Variants in CD276 observed in about 807,000 individuals in gnomAD.
CD276 encodes CD276 antigen.
Under a neutral mutation model 50.0 loss-of-function variants are expected in CD276, and 34 were observed. The ratio of observed to expected loss-of-function variants is 0.68; its 90% CI spans 0.52 to 0.91. CD276 has a LOEUF of 0.91. Ranked by LOEUF, CD276 falls within the 40% of genes least tolerant of loss-of-function variation. CD276 has a pLI of 0.00. For missense variants in CD276, 634 were observed against 717.5 expected (o/e 0.88, Z 1.33); for synonymous variants, 275 against 313.0 (o/e 0.88, Z 1.28).
At position 73,704,872 on chromosome 15, in the gene CD276, A is replaced by G. The variant is rs1441895996; in HGVS notation, c.1369+400A>G. 6.6e-6 allele frequency among the ~76,000 whole-genome samples: 1 copy of G among 152,156 alleles called. No individual in the cohort carries two copies. Among genetic ancestry groups the G allele is most frequent in the African/African-American group, 2.4e-5 (1 of 41,440 alleles). ...GGGCGCCATCTGATTCTGAAGCCTG[A>G]GTGACAGCTGGCCCTCCCTAGTTAG... On this transcript the variant is annotated intron_variant, in intron 6 of 9. Coordinates refer to ENST00000318443, the MANE Select transcript of CD276 (RefSeq NM_001024736.2). The surrounding 1 kb of genome is among the most constrained non-coding windows in gnomAD (Gnocchi z 4.1).
chr15:73,686,226 C>T, intron 1 of CD276: 1 of 851,996 alleles, frequency 1.2e-6, no homozygotes, highest in Non-Finnish European at 1.4e-6. Flanking sequence ...TATGGCATTA[C>T]TGGTGGTTTC....
At position 73,684,431 on chromosome 15, in the gene CD276, G is replaced by C. The variant is rs1899653853; in HGVS notation, c.-84G>C. The C allele has an allele frequency of 6.6e-6, 1 of 152,094 alleles. No homozygotes were observed. Among genetic ancestry groups the C allele is most frequent in the Admixed American group, 6.6e-5 (1 of 15,240 alleles). 9.4% of individuals were successfully genotyped at this position (152,094 alleles called of 1,614,324 possible). On this transcript the variant is annotated 5_prime_UTR_variant, in exon 1 of 10. Coordinates refer to ENST00000318443, the MANE Select transcript of CD276 (RefSeq NM_001024736.2). ...CGGCGACTGAGCCAGGCTGGGCCGC[G>C]TCCCTGAGTCCCAGAGTCGGCGCGG... is the stretch of plus-strand genomic sequence containing the variant.
At chr15:73,686,191 G>T (rs1327256596) in intron 1 of CD276, 1 of 487,178 alleles carries the variant, frequency 2.1e-6, no homozygotes, top group Non-Finnish European at 2.7e-6. Flanking sequence ...TCCCATGACT[G>T]ACCTTTGGAG....
intron 2 of CD276, among the ~76,000 whole-genome samples, chr15:73,700,254 C>A (rs1446618596): frequency 6.6e-6 from 1 of 152,166 alleles, no homozygotes; most frequent in African/African-American, 2.4e-5. Flanking sequence ...ATAGTAGGTG[C>A]CCAATAACTG....
chr15:73,699,450 G>A (rs991270013), intron 1 of CD276, 136 bp from the exon 2 acceptor site: 4 of 1,171,998 alleles, frequency 3.4e-6, no homozygotes, highest in African/African-American at 1.5e-5. Flanking sequence ...TCAGCAGGGG[G>A]CCCGGTGGGA....
intron 1 of CD276, among the ~76,000 whole-genome samples, chr15:73,688,468 A>G (rs936059318): frequency 6.6e-6 from 1 of 152,162 alleles, no homozygotes; most frequent in African/African-American, 2.4e-5. Context: ...AAACTTGGTC[A>G]TGTGTTCAGC....
chr15:73,706,247 C>A (rs959856190), intron 6 of CD276, among the ~76,000 whole-genome samples: 15 of 152,104 alleles, frequency 9.9e-5, no homozygotes, highest in African/African-American at 3.6e-4. Context: ...AAGACACTGT[C>A]TCAAAAAATA....
chr15:73,711,144 C>T lies in CD276; in HGVS notation c.1556C>T (p.Pro519Leu). ...EGEGSKTALQ[P>L]LKHSDSKEDD... ...CTTCCTTTTTTTACAGCCCTGCAGC[C>T]TCTGAAACACTCTGACAGCAAAGAA... The change falls in exon 9 of 10, where the codon CCT becomes CTT. Residue 519 changes from proline (P) to leucine (L), a missense_variant. Physicochemically the swap from Pro to Leu is moderately conservative, Grantham distance 98. Transcript: ENST00000318443. The T allele has an allele frequency of 2.5e-6, 4 of 1,614,070 alleles. No individual in the cohort carries two copies. The highest frequency in any genetic ancestry group is 2.5e-6 in the Non-Finnish European group (3 of 1,180,036).
At chr15:73,708,980 G>A (rs1349468091) in intron 7 of CD276, among the ~76,000 whole-genome samples, 3 of 152,218 alleles carry the variant, frequency 2.0e-5, no homozygotes, top group East Asian at 1.9e-4. Flanking sequence ...GAGGACATTG[G>A]TGGGTGGTGA....
chr15:73,713,983 A>C lies in CD276; in HGVS notation c.*1027A>C. 3.2e-6 allele frequency: 1 copy of C among 315,294 alleles called. No individual in the cohort carries two copies. Among genetic ancestry groups the C allele is most frequent in the Non-Finnish European group, 5.9e-6 (1 of 168,520 alleles). 19.5% of individuals were successfully genotyped at this position (315,294 alleles called of 1,614,324 possible). ...AACTACACTGCACCCTGCGGTTTGCAGGGGGCTCCTGCCTGGCTCCCTGCT... is the reference window on the plus strand; with the variant it reads ...AACTACACTGCACCCTGCGGTTTGCCGGGGGCTCCTGCCTGGCTCCCTGCT... On this transcript the variant is annotated 3_prime_UTR_variant, in exon 10 of 10. Transcript: ENST00000318443.
At position 73,708,699 on chromosome 15, in the gene CD276, A is replaced by T. The variant is rs566680275; in HGVS notation, c.1504+226A>T. On this transcript the variant is annotated intron_variant, in intron 7 of 9. Transcript: ENST00000318443. ...AGATACCACAGGATGAATGTGGATGAGTGTGACTGGAAGGTGGTGGGAGTG... is the reference window on the plus strand; with the variant it reads ...AGATACCACAGGATGAATGTGGATGTGTGTGACTGGAAGGTGGTGGGAGTG... 9 of 563,668 alleles carry T rather than the reference A, an allele frequency of 1.6e-5. No homozygotes were observed. The East Asian group carries it at 2.1e-4, about 13-fold the overall frequency. The allele number at this position is 563,668 out of a possible 1,614,324, so 34.9% of individuals were successfully genotyped here. A position where few individuals can be genotyped will look rare whatever the true frequency, so the allele number is the denominator to read the frequency against.
intron 1 of CD276, among the ~76,000 whole-genome samples, chr15:73,688,436 T>A (rs1596001285): frequency 6.6e-6 from 1 of 152,196 alleles, no homozygotes; most frequent in East Asian, 1.9e-4. Context: ...TGGAATTGGG[T>A]CTCAAATAGG....
At chr15:73,697,390 G>T (rs970090581) in intron 1 of CD276, among the ~76,000 whole-genome samples, 9 of 151,666 alleles carry the variant, frequency 5.9e-5, no homozygotes, top group Admixed American at 2.6e-4. Context: ...GGGGGCGGGT[G>T]TGCCTGGCTG....
At chr15:73,708,165 T>G (rs2291013) in intron 6 of CD276, among the ~76,000 whole-genome samples, 174 bp from the exon 7 acceptor site, 54,986 of 152,052 alleles carry the variant, frequency 0.36, 11,125 homozygotes, top group Non-Finnish European at 0.45. Flanking sequence ...CAGGGTTGTA[T>G]CAGGGTTTGG....
intron 6 of CD276, among the ~76,000 whole-genome samples, chr15:73,706,426 A>T (rs1900653778): frequency 6.6e-6 from 1 of 152,070 alleles, no homozygotes; most frequent in African/African-American, 2.4e-5. Flanking sequence ...TGGATAAATG[A>T]TCAATGCAGC....
rs924081928 is a variant in CD276, at chr15:73,687,266, G to A, written c.-55+2806G>A. ...GGAGGCTAAATAGACATTATCTCAT[G>A]TAATCCTCATAGTAATCCTATGAGG... On this transcript the variant is annotated intron_variant, in intron 1 of 9. Transcript: ENST00000318443. This position sits in a 1 kb window ranked among gnomAD's most constrained non-coding sequence, Gnocchi z 4.0. Among the ~76,000 whole-genome samples, 14 of 152,234 alleles carry A rather than the reference G, an allele frequency of 9.2e-5. No homozygotes were observed. The highest frequency in any genetic ancestry group is 1.3e-4 in the Non-Finnish European group (9 of 68,012).
intron 2 of CD276, among the ~76,000 whole-genome samples, chr15:73,701,395 G>C (rs116229878): frequency 6.6e-6 from 1 of 152,134 alleles, no homozygotes; most frequent in Non-Finnish European, 1.5e-5. Flanking sequence ...CAGATTATGC[G>C]TGATTAAAAC....
chr15:73,690,647 C>T (rs1312264465), intron 1 of CD276: 2 of 455,428 alleles, frequency 4.4e-6, no homozygotes, highest in Non-Finnish European at 8.8e-6. Flanking sequence ...GTGATAACAG[C>T]ATTAATCTCT....
At chr15:73,688,835 C>G (rs562318755) in intron 1 of CD276, among the ~76,000 whole-genome samples, 1 of 152,188 alleles carries the variant, frequency 6.6e-6, no homozygotes, top group South Asian at 2.1e-4. Flanking sequence ...CTAAGCTGAG[C>G]CTCTTTCAGG....
Sources: allele counts gnomAD v4.1 joint callset (sites outside exome capture counted in the v4.1 genomes callset), GRCh38; gene constraint gnomAD v4.1.1; non-coding constraint Gnocchi (gnomAD v3.1); transcripts MANE v1.5; gene names NCBI Gene and HGNC (gene_info 2026-07-23, HGNC 2026-07-21).